The following KAT2B variants were observed in gnomAD, a reference collection of about 807,000 sequenced individuals.
KAT2B encodes the protein lysine acetyltransferase 2B, also known as histone acetyltransferase KAT2B.
KAT2B carries 36 observed loss-of-function variants against 105.9 expected under a neutral mutation model. The observed-to-expected ratio is 0.34, with a 90% CI of 0.26 to 0.45. The LOEUF (loss-of-function observed/expected upper bound fraction) is 0.45, where lower values mean the gene tolerates loss of function less well. Among genes scored for constraint, KAT2B ranks in the 20% least tolerant of loss-of-function variants. The pLI, the probability that KAT2B is intolerant of heterozygous loss-of-function variation, is 1.00. For synonymous variants in KAT2B, 397 were observed against 377.9 expected (o/e 1.05, Z -0.59); for missense variants, 820 against 1,021.6 (o/e 0.80, Z 2.69).
intron 11 of KAT2B, among the ~76,000 whole-genome samples, chr3:20,136,362 C>G (rs938261851): frequency 6.6e-6 from 1 of 152,164 alleles, no homozygotes; most frequent in Non-Finnish European, 1.5e-5. Context: ...TGTCTTCTGG[C>G]TGATTCAGAG....
chr3:20,111,242 T>A (rs1699115512), intron 5 of KAT2B, among the ~76,000 whole-genome samples: 1 of 152,202 alleles, frequency 6.6e-6, no homozygotes, highest in Admixed American at 6.5e-5. Flanking sequence ...ATTATTGTTG[T>A]CCCCATTTTA....
intron 15 of KAT2B, 37 bp downstream of exon 15, chr3:20,148,036 A>ATTT: frequency 7.3e-7 from 1 of 1,363,256 alleles, no homozygotes; most frequent in Non-Finnish European, 1.0e-6. Context: ...AATGGAAGTG[A>ATTT]TTTTTTTTTT....
At chr3:20,135,286 G>A (rs59256081) in intron 11 of KAT2B, among the ~76,000 whole-genome samples, 12,012 of 152,108 alleles carry the variant, frequency 0.079, 534 homozygotes, top group East Asian at 0.2. Flanking sequence ...TAGACATACC[G>A]TCCCCTTATT....
At position 20,139,964 on chromosome 3, in the gene KAT2B, C is replaced by G. The variant is rs566731330; in HGVS notation, c.1861-257C>G. On this transcript the variant is annotated intron_variant, in intron 12 of 17. Coordinates refer to ENST00000263754, the MANE Select transcript of KAT2B (RefSeq NM_003884.5). ...CCTAATTTTTACTTAACACCTGTTT[C>G]TGTTTTAAACTTTTTAATATTTCTT... Among the ~76,000 whole-genome samples, 4 of 152,302 alleles carry G rather than the reference C, an allele frequency of 2.6e-5. No homozygotes were observed. The South Asian group carries it at 8.3e-4, about 32-fold the overall frequency.
chr3:20,048,842 C>T (rs1255646044), intron 1 of KAT2B, among the ~76,000 whole-genome samples: 3 of 152,236 alleles, frequency 2.0e-5, no homozygotes, highest in African/African-American at 4.8e-5. Flanking sequence ...TTGCTTCTTT[C>T]CCTCTATGCT....
rs564514494 is a variant in KAT2B at position 20,152,642 on chromosome 3, T to A, written c.*117T>A. The A allele has an allele frequency of 2.7e-6, 2 of 745,924 alleles. No homozygotes were observed. Among genetic ancestry groups the A allele is most frequent in the Admixed American group, 5.7e-5 (2 of 34,786 alleles). 46.2% of individuals were successfully genotyped at this position (745,924 alleles called of 1,614,324 possible). On this transcript the variant is annotated 3_prime_UTR_variant, in exon 18 of 18. Transcript: ENST00000263754. ...TTGAAGAGACTTGTAAATGTAATAA[T>A]TAGCACTTTTGAAAAAACAAAAAAC...
At chr3:20,120,952 C>T (rs1378273571) in intron 8 of KAT2B, among the ~76,000 whole-genome samples, 4 of 152,012 alleles carry the variant, frequency 2.6e-5, no homozygotes, top group African/African-American at 9.7e-5. Context: ...AACTCTTTAC[C>T]AGTGAGCTTG....
intron 4 of KAT2B, 57 bp downstream of exon 4, chr3:20,100,011 ATCC>A: frequency 1.1e-6 from 1 of 907,832 alleles, no homozygotes; most frequent in Non-Finnish European, 1.8e-6. Flanking sequence ...AAATCTTTTA[ATCC>A]TCCTTTTATA....
At chr3:20,145,016 C>T (rs564674508) in intron 13 of KAT2B, among the ~76,000 whole-genome samples, 84 of 151,958 alleles carry the variant, frequency 5.5e-4, no homozygotes, top group Non-Finnish European at 8.2e-4. Context: ...AGGCTGGTCT[C>T]GAGCTCCTCA....
Position 20,085,212 on chromosome 3 carries a change from A to G in KAT2B, c.431-10051A>G, listed in dbSNP as rs555365147. Among the ~76,000 whole-genome samples the G allele has an allele frequency of 8.5e-5, 13 of 152,312 alleles. No individual in the cohort carries two copies. The South Asian group carries it at 2.1e-3, about 24-fold the overall frequency. ...GTCTATTAATTTAAAAAAAAAGTTT[A>G]TAAGACAAAAATAGTCCTAAATAAA... is the stretch of plus-strand genomic sequence containing the variant. On this transcript the variant is annotated intron_variant, in intron 2 of 17. Coordinates refer to ENST00000263754, the MANE Select transcript of KAT2B (RefSeq NM_003884.5).
In KAT2B at chr3:20,126,084, A is replaced by G; in HGVS notation, c.1593A>G (p.Lys531=). 6.2e-7 allele frequency: 1 copy of G among 1,611,292 alleles called. No homozygotes were observed. Among genetic ancestry groups the G allele is most frequent in the Non-Finnish European group, 8.5e-7 (1 of 1,178,530 alleles). The change falls in exon 10 of 18, where the codon AAA becomes AAG. Residue 531 remains lysine (K), a synonymous_variant. Coordinates refer to ENST00000263754, the MANE Select transcript of KAT2B (RefSeq NM_003884.5). ...VFSHQLPRMP[K]EYITRLVFDP... ...CCCACCAGCTGCCCCGAATGCCAAA[A>G]GAATACATCACACGGCTCGTCTTTG...
intron 1 of KAT2B, among the ~76,000 whole-genome samples, chr3:20,062,202 T>TAATATATATAATATATAA (rs1300995799): frequency 1.9e-5 from 1 of 52,722 alleles, no homozygotes; most frequent in African/African-American, 7.2e-5. Flanking sequence ...TATATATATT[T>TAATATATATAATATATAA]TATATAAAAT....
intron 1 of KAT2B, among the ~76,000 whole-genome samples, chr3:20,047,606 C>CTTT (rs35457765): frequency 0.1 from 12,201 of 117,738 alleles, 1,042 homozygotes; most frequent in Non-Finnish European, 0.16. Flanking sequence ...CCGTGAGTAC[C>CTTT]TTTTTTTTTT....
chr3:20,150,512 G>A (rs1699853517), intron 17 of KAT2B, among the ~76,000 whole-genome samples: 1 of 152,118 alleles, frequency 6.6e-6, no homozygotes, highest in Admixed American at 6.6e-5. Context: ...GCTAGGCAGG[G>A]TTTTGCTGCT....
intron 7 of KAT2B, among the ~76,000 whole-genome samples, chr3:20,118,268 TATTATTTATATATAAATAAATA>T (rs1038967947): frequency 2.5e-4 from 36 of 146,328 alleles, no homozygotes; most frequent in Non-Finnish European, 1.1e-4. Context: ...TATGTAAATA[TATTATTTATATATAAATAAATA>T]ATTATTTATA....
intron 1 of KAT2B, among the ~76,000 whole-genome samples, chr3:20,063,534 C>CTTTTTTTTTTTTT (rs36058009): frequency 1.1e-5 from 1 of 88,820 alleles, no homozygotes; most frequent in Non-Finnish European, 2.2e-5. Context: ...GAGTAGGCCT[C>CTTTTTTTTTTTTT]TTTTTTTTTT....
At chr3:20,087,349 AAAT>A (rs1364521096) in intron 2 of KAT2B, among the ~76,000 whole-genome samples, 5 of 152,274 alleles carry the variant, frequency 3.3e-5, no homozygotes, top group African/African-American at 9.6e-5. Flanking sequence ...TAAAATGAGA[AAAT>A]AATTTATTTT....
intron 11 of KAT2B, among the ~76,000 whole-genome samples, chr3:20,136,459 G>C: frequency 6.6e-6 from 1 of 152,090 alleles, no homozygotes. Context: ...TTCTTTAGAA[G>C]GGTTGCCAGT....
At chr3:20,123,020 A>T (rs765138297) in intron 9 of KAT2B, 44 of 883,564 alleles carry the variant, frequency 5.0e-5, no homozygotes, top group Non-Finnish European at 5.8e-5. Context: ...CTTACTAATA[A>T]TCTCACAGTT....
Sources: allele counts gnomAD v4.1 joint callset (sites outside exome capture counted in the v4.1 genomes callset), GRCh38; gene constraint gnomAD v4.1.1; transcripts MANE v1.5; gene names NCBI Gene and HGNC (gene_info 2026-07-23, HGNC 2026-07-21).